RPTOR: variants seen among roughly 807,000 people sequenced by gnomAD.
RPTOR encodes regulatory associated protein of MTOR complex 1.
Under a neutral mutation model 169.9 loss-of-function variants are expected in RPTOR, and 21 were observed. The ratio of observed to expected loss-of-function variants is 0.12; its 90% CI spans 0.09 to 0.18. The LOEUF (loss-of-function observed/expected upper bound fraction) is 0.18. Ranked by LOEUF, RPTOR falls within the 10% of genes least tolerant of loss-of-function variation. The probability of loss-of-function intolerance (pLI) is 1.00; values close to 1 mark genes in which losing one functional copy is unlikely to be tolerated. For missense variants in RPTOR, 1,133 were observed against 1,855.9 expected (o/e 0.61, Z 7.16); for synonymous variants, 732 against 753.2 (o/e 0.97, Z 0.46).
chr17:80,932,725 G>C (rs186547813), intron 24 of RPTOR, among the ~76,000 whole-genome samples: 2 of 152,334 alleles, frequency 1.3e-5, no homozygotes, highest in East Asian at 3.9e-4. Context: ...CAGATCATCT[G>C]AGAGCTTCAG....
At chr17:80,871,493 T>G (rs879942278) in intron 13 of RPTOR, among the ~76,000 whole-genome samples, 3 of 152,184 alleles carry the variant, frequency 2.0e-5, no homozygotes, top group Non-Finnish European at 4.4e-5. Flanking sequence ...GGCGCTGGCC[T>G]GGGTCCCTGG....
intron 24 of RPTOR, among the ~76,000 whole-genome samples, chr17:80,932,323 C>T (rs918449882): frequency 2.0e-5 from 3 of 151,950 alleles, no homozygotes; most frequent in Non-Finnish European, 4.4e-5. Context: ...CTTGGCAACG[C>T]AGCAAGACCT....
intron 1 of RPTOR, among the ~76,000 whole-genome samples, chr17:80,561,969 CAT>C (rs1264084998): frequency 3.3e-5 from 5 of 152,096 alleles, no homozygotes; most frequent in African/African-American, 1.2e-4. Flanking sequence ...TATGTGTGTA[CAT>C]GTTTATACGT....
At chr17:80,962,188 T>C (rs2069352325) in intron 31 of RPTOR, among the ~76,000 whole-genome samples, 1 of 152,230 alleles carries the variant, frequency 6.6e-6, no homozygotes. Context: ...TCTGTGCTCA[T>C]GGTCATTTCT....
At chr17:80,891,693 G>T in intron 17 of RPTOR, 27 bp from the exon 18 acceptor site, 1 of 1,472,624 alleles carries the variant, frequency 6.8e-7, no homozygotes, top group South Asian at 1.1e-5. Flanking sequence ...CCCAGTGACT[G>T]TTATTGTCCC....
chr17:80,902,207 C>T (rs565436970), intron 20 of RPTOR, among the ~76,000 whole-genome samples: 23 of 152,212 alleles, frequency 1.5e-4, no homozygotes, highest in Non-Finnish European at 3.2e-4. Flanking sequence ...TGGGCAGGCC[C>T]TCTTTCACAC....
At chr17:80,883,596 C>A in intron 15 of RPTOR, 112 bp downstream of exon 15, 2 of 1,245,274 alleles carry the variant, frequency 1.6e-6, no homozygotes, top group Admixed American at 1.8e-5. Context: ...CCAGCAGAGG[C>A]TCTGACCCTT....
intron 5 of RPTOR, among the ~76,000 whole-genome samples, chr17:80,738,129 G>A (rs1165308432): frequency 6.6e-6 from 1 of 152,182 alleles, no homozygotes. Flanking sequence ...GGAGGATGAG[G>A]TCCACGCCTG....
intron 3 of RPTOR, among the ~76,000 whole-genome samples, chr17:80,647,462 G>T (rs1212779678): frequency 6.6e-6 from 1 of 152,144 alleles, no homozygotes; most frequent in South Asian, 2.1e-4. Context: ...TTTAGTACAG[G>T]ATGGAAGTTA....
At chr17:80,914,105 A>G (rs1483684096) in intron 21 of RPTOR, among the ~76,000 whole-genome samples, 1 of 152,242 alleles carries the variant, frequency 6.6e-6, no homozygotes, top group Non-Finnish European at 1.5e-5. Context: ...GGTGTACTTA[A>G]CGAAAGGTCA....
intron 3 of RPTOR, among the ~76,000 whole-genome samples, chr17:80,693,785 C>T (rs1277053137): frequency 6.6e-6 from 1 of 152,180 alleles, no homozygotes; most frequent in African/African-American, 2.4e-5. Context: ...TGCCAGGGGC[C>T]AGAGAGCTGA....
At chr17:80,591,879 T>C (rs2065110366) in intron 1 of RPTOR, among the ~76,000 whole-genome samples, 1 of 152,200 alleles carries the variant, frequency 6.6e-6, no homozygotes, top group South Asian at 2.1e-4. Context: ...TGAGAGTCAC[T>C]GCATGAGAGG....
At chr17:80,847,098 G>A (rs2067740391) in intron 11 of RPTOR, among the ~76,000 whole-genome samples, 1 of 152,268 alleles carries the variant, frequency 6.6e-6, no homozygotes, top group Non-Finnish European at 1.5e-5. Context: ...AGCGCCGTAG[G>A]TTATGCACTG....
intron 23 of RPTOR, chr17:80,924,049 C>G (rs927411374): frequency 1.0e-5 from 3 of 292,130 alleles, no homozygotes; most frequent in Non-Finnish European, 1.9e-5. Context: ...ACACAGCACT[C>G]TGCGTCCGCT....
intron 9 of RPTOR, among the ~76,000 whole-genome samples, chr17:80,826,477 C>T (rs2067444717): frequency 6.6e-6 from 1 of 152,238 alleles, no homozygotes; most frequent in Non-Finnish European, 1.5e-5. Flanking sequence ...CACCCGGCCA[C>T]TGTAGCGGTC....
At chr17:80,554,800 C>T (rs1045579672) in intron 1 of RPTOR, among the ~76,000 whole-genome samples, 7 of 151,688 alleles carry the variant, frequency 4.6e-5, no homozygotes, top group African/African-American at 1.5e-4. Flanking sequence ...AAATGAGAAT[C>T]CAGTTGTCTT....
Position 80,663,847 on chromosome 17 carries a change from G to T in RPTOR, c.348+20037G>T, listed in dbSNP as rs549098983. ...TGTGCGTGTGCGTGTGTGCAAGCAG[G>T]TGTGTGCACAAGATGGGCTGGCCTG... On this transcript the variant is annotated intron_variant, in intron 3 of 33. Coordinates refer to ENST00000306801, the MANE Select transcript of RPTOR (RefSeq NM_020761.3). 6.6e-5 allele frequency among the ~76,000 whole-genome samples: 10 copies of T among 152,058 alleles called. No individual in the cohort carries two copies. In the South Asian group the frequency reaches 1.7e-3, roughly 25 times the overall value.
At chr17:80,729,165 C>G (rs796218027) in intron 4 of RPTOR, among the ~76,000 whole-genome samples, 1 of 152,238 alleles carries the variant, frequency 6.6e-6, no homozygotes, top group African/African-American at 2.4e-5. Flanking sequence ...GCTTCCTGCA[C>G]GCCATACTTC....
intron 1 of RPTOR, among the ~76,000 whole-genome samples, chr17:80,610,880 C>A (rs1017319436): frequency 2.6e-5 from 4 of 152,222 alleles, no homozygotes; most frequent in African/African-American, 9.7e-5. Flanking sequence ...GTGTCAGACA[C>A]TTGAATATTG....
Sources: gnomAD v4.1 joint callset for allele counts (sites outside exome capture counted in the v4.1 genomes callset) on GRCh38, gnomAD v4.1.1 for gene constraint, MANE v1.5 for transcripts, NCBI Gene and HGNC (gene_info 2026-07-23, HGNC 2026-07-21) for gene names.